Variants in VPS54 observed in about 807,000 individuals in gnomAD.
The protein encoded by VPS54 is VPS54 subunit of GARP complex, also known as vacuolar protein sorting-associated protein 54.
Under a neutral mutation model 121.5 loss-of-function variants are expected in VPS54, and 45 were observed. That is an observed-to-expected ratio of 0.37 (90% confidence interval 0.29 to 0.47). VPS54 has a LOEUF of 0.47. Ranked by LOEUF, VPS54 falls within the 20% of genes least tolerant of loss-of-function variation. The pLI is 0.99. For synonymous variants in VPS54, 371 were observed against 385.8 expected (o/e 0.96, Z 0.45); for missense variants, 1,090 against 1,131.4 (o/e 0.96, Z 0.52).
chr2:63,929,109 G>T (rs577422198), intron 12 of VPS54, among the ~76,000 whole-genome samples: 1 of 151,928 alleles, frequency 6.6e-6, no homozygotes, highest in Non-Finnish European at 1.5e-5. Context: ...AGATCAACAC[G>T]ACAGAAAATT....
At chr2:63,971,412 C>G (rs1178498980) in intron 4 of VPS54, among the ~76,000 whole-genome samples, 1 of 152,196 alleles carries the variant, frequency 6.6e-6, no homozygotes, top group African/African-American at 2.4e-5. Flanking sequence ...TTCCTTACCA[C>G]AGCATATAAG....
At chr2:63,896,159 T>G (rs1171063567) in intron 22 of VPS54, among the ~76,000 whole-genome samples, 1 of 152,196 alleles carries the variant, frequency 6.6e-6, no homozygotes, top group Non-Finnish European at 1.5e-5. Flanking sequence ...TCACCACATG[T>G]GATGTTCTTG....
At chr2:63,988,233 T>C (rs902369330) in intron 1 of VPS54, among the ~76,000 whole-genome samples, 4 of 152,236 alleles carry the variant, frequency 2.6e-5, no homozygotes, top group Admixed American at 6.5e-5. Context: ...TGAAAGGATG[T>C]TTAATTTTAT....
intron 21 of VPS54, among the ~76,000 whole-genome samples, chr2:63,898,360 A>G (rs1672530835): frequency 2.0e-5 from 3 of 152,140 alleles, no homozygotes; most frequent in African/African-American, 7.2e-5. Context: ...AAGAAATTAG[A>G]AGGAAAAAGG....
At chr2:64,016,322 G>C (rs1053814005) in intron 1 of VPS54, among the ~76,000 whole-genome samples, 1 of 152,140 alleles carries the variant, frequency 6.6e-6, no homozygotes, top group African/African-American at 2.4e-5. Flanking sequence ...TTGGTGATCA[G>C]TTGCTTATTC....
intron 17 of VPS54, among the ~76,000 whole-genome samples, chr2:63,913,606 GAAGTCCTATTTTCAAAAGTTATAAA>G (rs1222620638): frequency 2.0e-5 from 3 of 151,986 alleles, no homozygotes; most frequent in Non-Finnish European, 4.4e-5. Context: ...TTCTTGTTGG[GAAGTCCTATTTTCAAAAGTTATAAA>G]AATCTGTCTT....
chr2:63,996,547 C>G (rs1677601236), intron 1 of VPS54, among the ~76,000 whole-genome samples: 1 of 152,206 alleles, frequency 6.6e-6, no homozygotes, highest in Non-Finnish European at 1.5e-5. Flanking sequence ...ACCATTAGGT[C>G]TGACTGCCTG....
At chr2:63,959,986 C>T (rs1675680838) in intron 7 of VPS54, among the ~76,000 whole-genome samples, 1 of 152,010 alleles carries the variant, frequency 6.6e-6, no homozygotes, top group South Asian at 2.1e-4. Flanking sequence ...TGCCACTGCA[C>T]TCCAGCCTGG....
At chr2:63,990,786 CT>C (rs1320130891) in intron 1 of VPS54, among the ~76,000 whole-genome samples, 2 of 152,182 alleles carry the variant, frequency 1.3e-5, no homozygotes, top group African/African-American at 4.8e-5. Flanking sequence ...CTAGAACCTC[CT>C]ATCTTCCAAA....
chr2:64,001,721 C>G (rs1387680503), intron 1 of VPS54, among the ~76,000 whole-genome samples: 1 of 151,954 alleles, frequency 6.6e-6, no homozygotes, highest in Non-Finnish European at 1.5e-5. Context: ...TGTGGTTGAG[C>G]TGATATCCAA....
At chr2:63,987,274 C>G (rs1253433046) in intron 1 of VPS54, among the ~76,000 whole-genome samples, 1 of 152,154 alleles carries the variant, frequency 6.6e-6, no homozygotes, top group East Asian at 1.9e-4. Context: ...ATTGTTCTAT[C>G]CATGGATATC....
intron 1 of VPS54, among the ~76,000 whole-genome samples, chr2:64,007,885 T>G (rs1483415395): frequency 1.3e-5 from 2 of 151,994 alleles, no homozygotes; most frequent in Admixed American, 6.6e-5. Flanking sequence ...ATTACTAACT[T>G]TAGAAAGGAT....
intron 1 of VPS54, among the ~76,000 whole-genome samples, chr2:64,017,064 C>G (rs941526212): frequency 1.4e-5 from 2 of 141,752 alleles, no homozygotes; most frequent in African/African-American, 2.8e-5. Context: ...GGGCCGGGGC[C>G]GGGGCGGTGG....
intron 1 of VPS54, among the ~76,000 whole-genome samples, chr2:64,006,043 CT>C (rs1267133810): frequency 6.6e-6 from 1 of 152,216 alleles, no homozygotes; most frequent in Non-Finnish European, 1.5e-5. Flanking sequence ...TGGGAAACTA[CT>C]CTAGACTAAA....
At chr2:63,968,896 G>A (rs968245248) in intron 5 of VPS54, 61 bp downstream of exon 5, 1 of 1,314,892 alleles carries the variant, frequency 7.6e-7, no homozygotes, top group South Asian at 1.3e-5. Flanking sequence ...AAATCTGCTT[G>A]TAAGGCAAAA....
At chr2:63,917,061 C>T in intron 15 of VPS54, 98 bp from the exon 16 acceptor site, 1 of 1,186,600 alleles carries the variant, frequency 8.4e-7, no homozygotes, top group Non-Finnish European at 1.2e-6. Context: ...GCCAAAAACT[C>T]TCATTTCTGA....
chr2:63,920,840 G>C (rs1673609304), intron 13 of VPS54, among the ~76,000 whole-genome samples: 1 of 151,788 alleles, frequency 6.6e-6, no homozygotes, highest in Non-Finnish European at 1.5e-5. Context: ...ATGAATTTAG[G>C]TCATACTATA....
intron 1 of VPS54, among the ~76,000 whole-genome samples, chr2:63,992,812 T>C (rs945710403): frequency 2.0e-4 from 31 of 152,200 alleles, no homozygotes; most frequent in Non-Finnish European, 4.0e-4. Context: ...CTCATAGTTA[T>C]TGATTTTTTT....
chr2:63,997,001 T>G (rs1052723184), intron 1 of VPS54, among the ~76,000 whole-genome samples: 3 of 152,234 alleles, frequency 2.0e-5, no homozygotes, highest in African/African-American at 7.2e-5. Context: ...TCACGGAACC[T>G]GCTGACATGT....
Sources: gnomAD v4.1 joint callset for allele counts (sites outside exome capture counted in the v4.1 genomes callset) on GRCh38, gnomAD v4.1.1 for gene constraint, MANE v1.5 for transcripts, NCBI Gene and HGNC (gene_info 2026-07-23, HGNC 2026-07-21) for gene names.